Variants in N4BP2 observed in about 807,000 individuals in gnomAD.
N4BP2 encodes NEDD4-binding protein 2.
N4BP2 carries 91 observed loss-of-function variants against 152.8 expected under a neutral mutation model. The ratio of observed to expected loss-of-function variants is 0.60; its 90% CI spans 0.50 to 0.71. The LOEUF (loss-of-function observed/expected upper bound fraction) is 0.71. N4BP2 is among the 30% of genes least tolerant of loss of function. The probability of loss-of-function intolerance (pLI) is 0.00; values close to 1 mark genes in which losing one functional copy is unlikely to be tolerated. For missense variants in N4BP2, 1,923 were observed against 2,059.1 expected (o/e 0.93, Z 1.28); for synonymous variants, 646 against 705.3 (o/e 0.92, Z 1.33).
chr4:40,067,641 C>T (rs2109892442), intron 1 of N4BP2, among the ~76,000 whole-genome samples: 1 of 152,240 alleles, frequency 6.6e-6, no homozygotes. Context: ...ATTGTACGTT[C>T]CTACCAGTAG....
At chr4:40,074,648 A>T (rs1252414324) in intron 2 of N4BP2, among the ~76,000 whole-genome samples, 2 of 152,220 alleles carry the variant, frequency 1.3e-5, no homozygotes, top group African/African-American at 4.8e-5. Flanking sequence ...CTGAGGAAGC[A>T]TAAAGAACTG....
chr4:40,180,812 A>G, the N4BP2 span, among the ~76,000 whole-genome samples: 1 of 152,324 alleles, frequency 6.6e-6, no homozygotes, highest in South Asian at 2.1e-4. Context: ...CAAAACAAAA[A>G]TAAGTTGTAA....
rs1721742483 is a variant in N4BP2, at chr4:40,158,106, GTTT to G, written c.*3872_*3874del. On this transcript the variant is annotated 3_prime_UTR_variant, in exon 18 of 18. Coordinates refer to ENST00000261435, the MANE Select transcript of N4BP2 (RefSeq NM_018177.6). ...TTTTCAGACAGTATATCAGAAAAAT[GTTT>G]TTATTTGTACTGTATAGAAAATGTA... 1 of 152,102 alleles carries G rather than the reference GTTT, an allele frequency of 6.6e-6. No homozygotes were observed. The highest frequency in any genetic ancestry group is 1.5e-5 in the Non-Finnish European group (1 of 68,002). The allele number at this position is 152,102 out of a possible 1,614,324, so 9.4% of individuals were successfully genotyped here. A position where few individuals can be genotyped will look rare whatever the true frequency, so the allele number is the denominator to read the frequency against.
chr4:40,126,794 G>T (rs1718450890), intron 12 of N4BP2, among the ~76,000 whole-genome samples: 1 of 152,146 alleles, frequency 6.6e-6, no homozygotes, highest in Non-Finnish European at 1.5e-5. Context: ...GTCTCGCTCT[G>T]TTGCCCAGGC....
the N4BP2 span, among the ~76,000 whole-genome samples, chr4:40,187,191 A>T: frequency 6.6e-6 from 1 of 152,092 alleles, no homozygotes; most frequent in African/African-American, 2.4e-5. Flanking sequence ...GGTCAACTAT[A>T]AAATTTCTCT....
chr4:40,175,081 C>T, the N4BP2 span, among the ~76,000 whole-genome samples: 1 of 152,078 alleles, frequency 6.6e-6, no homozygotes, highest in Non-Finnish European at 1.5e-5. Context: ...AGTGCAGTGG[C>T]ACAATGAGAA....
At chr4:40,108,365 C>T (rs1716526594) in intron 5 of N4BP2, among the ~76,000 whole-genome samples, 1 of 150,486 alleles carries the variant, frequency 6.6e-6, no homozygotes. Flanking sequence ...CAGGCTGGAG[C>T]GCAGTGGCGT....
At chr4:40,061,633 G>A (rs1276130412) in intron 1 of N4BP2, among the ~76,000 whole-genome samples, 1 of 151,768 alleles carries the variant, frequency 6.6e-6, no homozygotes, top group Non-Finnish European at 1.5e-5. Context: ...CCAAAGTGCT[G>A]GGATTGCAGG....
At chr4:40,187,545 C>G in the N4BP2 span, among the ~76,000 whole-genome samples, 1 of 152,024 alleles carries the variant, frequency 6.6e-6, no homozygotes, top group African/African-American at 2.4e-5. Context: ...GTCTCAAACT[C>G]CTGGGCTCAA....
intron 5 of N4BP2, among the ~76,000 whole-genome samples, chr4:40,111,828 C>G (rs886371070): frequency 1.3e-5 from 2 of 151,878 alleles, no homozygotes; most frequent in African/African-American, 4.8e-5. Flanking sequence ...GTTGGCCAGG[C>G]TGGTCTTGAA....
rs563490959 is a variant in N4BP2, at chr4:40,120,577, T to C, written c.2466T>C (p.Pro822=). The C allele has an allele frequency of 6.2e-7, 1 of 1,614,104 alleles. No homozygotes were observed. The highest frequency in any genetic ancestry group is 1.3e-5 in the African/African-American group (1 of 75,036). The change falls in exon 9 of 18, where the codon CCT becomes CCC. Residue 822 remains proline, a synonymous_variant. Transcript: ENST00000261435. ...AAAGCGACAAAAAGTATAATTACCC[T>C]CAGTCACACAAATTAGTTAACAGTG... ...SVQSDKKYNY[P]QSHKLVNSVS... is the part of the protein sequence containing the mutation.
intron 16 of N4BP2, among the ~76,000 whole-genome samples, chr4:40,151,278 ACTTTTT>A (rs982914141): frequency 4.6e-5 from 7 of 152,034 alleles, no homozygotes; most frequent in African/African-American, 1.7e-4. Context: ...TTGTAAGTAA[ACTTTTT>A]CTTTTTGAGA....
At chr4:40,165,140 T>G in the N4BP2 span, among the ~76,000 whole-genome samples, 1 of 152,222 alleles carries the variant, frequency 6.6e-6, no homozygotes, top group Non-Finnish European at 1.5e-5. Flanking sequence ...TGAATATAGT[T>G]GTCTCTTATA....
rs1281842286 is a variant in N4BP2 at position 40,089,435 on chromosome 4, C to CTT, written c.-114-7774_-114-7773dup. On this transcript the variant is annotated intron_variant, in intron 2 of 17. Transcript: ENST00000261435. ...ATGAACTATAATTTATCAGTTTTGC[C>CTT]TTTTTTTTTTTTTTTTTTTGAGTCA... Among the ~76,000 whole-genome samples the CTT allele has an allele frequency of 4.9e-3, 543 of 111,120 alleles. 19 individuals carry two copies. Among genetic ancestry groups the CTT allele is most frequent in the African/African-American group, 6.2e-3 (181 of 29,124 alleles). The allele number at this position is 111,120 out of a possible 152,430, so 72.9% of individuals were successfully genotyped here.
intron 2 of N4BP2, among the ~76,000 whole-genome samples, chr4:40,073,936 G>A (rs1048169470): frequency 1.3e-5 from 2 of 148,644 alleles, no homozygotes; most frequent in African/African-American, 5.0e-5. Flanking sequence ...GGGATTACAG[G>A]CGCATGCCAC....
At chr4:40,090,353 A>G (rs1363945430) in intron 2 of N4BP2, among the ~76,000 whole-genome samples, 1 of 152,216 alleles carries the variant, frequency 6.6e-6, no homozygotes, top group Admixed American at 6.5e-5. Flanking sequence ...TTAAACGTGT[A>G]TATCAATTTG....
intron 16 of N4BP2, among the ~76,000 whole-genome samples, chr4:40,146,897 G>A (rs1287101537): frequency 7.7e-6 from 1 of 130,036 alleles, no homozygotes; most frequent in African/African-American, 2.9e-5. Flanking sequence ...TTTTCCCCAG[G>A]TAATGTTTTT....
chr4:40,136,209 A>G (rs1448072123), intron 13 of N4BP2, among the ~76,000 whole-genome samples: 2 of 151,876 alleles, frequency 1.3e-5, no homozygotes, highest in Non-Finnish European at 2.9e-5. Context: ...TGTCAGCTTA[A>G]AGGTCTATTG....
chr4:40,063,968 A>G (rs1166499351), intron 1 of N4BP2, among the ~76,000 whole-genome samples: 2 of 149,906 alleles, frequency 1.3e-5, no homozygotes, highest in Admixed American at 1.3e-4. Flanking sequence ...ATTTAGAGAG[A>G]TTGGTGGGGC....
Sources: gnomAD v4.1 joint callset for allele counts (sites outside exome capture counted in the v4.1 genomes callset) on GRCh38, gnomAD v4.1.1 for gene constraint, MANE v1.5 for transcripts, NCBI Gene and HGNC (gene_info 2026-07-23, HGNC 2026-07-21) for gene names.